The following NCOA7 variants were observed in gnomAD, a reference collection of about 807,000 sequenced individuals.
NCOA7 encodes nuclear receptor coactivator 7.
A neutral mutation model predicts 104.3 loss-of-function variants in NCOA7; 45 were observed. The ratio of observed to expected loss-of-function variants is 0.43; its 90% CI spans 0.34 to 0.55. The LOEUF (loss-of-function observed/expected upper bound fraction) is 0.55. NCOA7 is among the 20% of genes least tolerant of loss of function. The probability of loss-of-function intolerance (pLI) is 0.02; values close to 1 mark genes in which losing one functional copy is unlikely to be tolerated. For missense variants in NCOA7, 1,041 were observed against 1,119.7 expected, an observed-to-expected ratio of 0.93 and a Z score of 1.00; for synonymous variants, 398 against 402.3, an observed-to-expected ratio of 0.99 and a Z score of 0.13.
chr6:125,864,732 T>C (rs1300106639), intron 3 of NCOA7, among the ~76,000 whole-genome samples: 1 of 137,692 alleles, frequency 7.3e-6, no homozygotes, highest in Non-Finnish European at 1.5e-5. Context: ...GATCTCGGAC[T>C]TCCTAGTGTC....
intron 2 of NCOA7, among the ~76,000 whole-genome samples, chr6:125,851,115 TATATG>T (rs1417969538): frequency 1.3e-5 from 2 of 152,152 alleles, no homozygotes; most frequent in African/African-American, 2.4e-5. Context: ...TATTATTAAT[TATATG>T]ATTATTTCAA....
At chr6:125,835,007 G>A (rs1244055270) in intron 2 of NCOA7, among the ~76,000 whole-genome samples, 1 of 152,186 alleles carries the variant, frequency 6.6e-6, no homozygotes, top group African/African-American at 2.4e-5. Flanking sequence ...GAAGTAAGAT[G>A]TGATTGCAGT....
In NCOA7 at chr6:125,896,238, G is replaced by C. The variant is rs139115950; in HGVS notation, c.2096+5428G>C. Among the ~76,000 whole-genome samples the C allele has an allele frequency of 1.6e-3, 236 of 151,890 alleles. 2 individuals carry two copies. Among genetic ancestry groups the C allele is most frequent in the East Asian group, 0.012 (61 of 5,166 alleles). On this transcript the variant is annotated intron_variant, in intron 10 of 15. Transcript: ENST00000392477. ...TATGAAATCCAAGAATATGTTTAAG[G>C]CTTTAAATACATGTTGCACATGAAA...
At chr6:125,874,823 G>C (rs1469195210) in intron 3 of NCOA7, 66 bp from the exon 4 acceptor site, 10 of 1,236,550 alleles carry the variant, frequency 8.1e-6, no homozygotes, top group Non-Finnish European at 1.2e-5. Context: ...TCTATATATG[G>C]TAGTTTTACC....
rs546450579 is a variant in NCOA7, at chr6:125,881,067, C to T, written c.460-23C>T. On this transcript the variant is annotated intron_variant, in intron 5 of 15. Coordinates refer to ENST00000392477, the MANE Select transcript of NCOA7 (RefSeq NM_181782.5). The stretch of plus-strand genomic sequence containing the variant: ...GTTTGCCTGGTTGCTGGTACTCACC[C>T]ATCTGTTCTCTCCCATTCTCAGGTC... 11 of 1,495,804 alleles carry T rather than the reference C, an allele frequency of 7.4e-6. No individual in the cohort carries two copies. In the East Asian group the frequency reaches 2.3e-4, roughly 31 times the overall value. The allele number at this position is 1,495,804 out of a possible 1,614,324, so 92.7% of individuals were successfully genotyped here.
chr6:125,799,691 C>G (rs143540959), intron 1 of NCOA7, among the ~76,000 whole-genome samples: 183 of 152,284 alleles, frequency 1.2e-3, no homozygotes, highest in African/African-American at 3.9e-3. Flanking sequence ...ATCCGCCCTC[C>G]TCAGCCTCCC....
intron 1 of NCOA7, among the ~76,000 whole-genome samples, chr6:125,807,771 A>G (rs1019792378): frequency 3.3e-5 from 5 of 152,198 alleles, no homozygotes; most frequent in African/African-American, 1.2e-4. Context: ...GGCATAAGAA[A>G]AAATACTGCA....
chr6:125,837,890 T>C (rs1361349238), intron 2 of NCOA7, among the ~76,000 whole-genome samples: 2 of 152,208 alleles, frequency 1.3e-5, no homozygotes, highest in African/African-American at 2.4e-5. Context: ...GTAAATTGCA[T>C]GCTGCTCTTA....
At chr6:125,853,416 C>T (rs887094984) in intron 2 of NCOA7, among the ~76,000 whole-genome samples, 2 of 152,134 alleles carry the variant, frequency 1.3e-5, no homozygotes, top group East Asian at 3.8e-4. Context: ...TTCCTGATTG[C>T]TCTGGCTAGG....
rs1041927324 is a variant in NCOA7, at chr6:125,930,060, A to G, written c.*1289A>G. On this transcript the variant is annotated 3_prime_UTR_variant, in exon 16 of 16. Transcript: ENST00000392477. ...CCTATTTTCACATCATAAAACATCT[A>G]TTACATAAAATAAAGGTCCAGGCAT... The G allele has an allele frequency of 6.6e-6, 1 of 152,208 alleles. No individual in the cohort carries two copies. The highest frequency in any genetic ancestry group is 1.5e-5 in the Non-Finnish European group (1 of 68,034). 9.4% of individuals were successfully genotyped at this position (152,208 alleles called of 1,614,324 possible).
At chr6:125,828,853 G>T (rs1009552256) in intron 2 of NCOA7, among the ~76,000 whole-genome samples, 6 of 152,090 alleles carry the variant, frequency 3.9e-5, no homozygotes, top group African/African-American at 1.4e-4. Context: ...CCTCACTATG[G>T]TATTAGTTTT....
chr6:125,789,644 C>T (rs1774648869), upstream of NCOA7, among the ~76,000 whole-genome samples: 1 of 152,162 alleles, frequency 6.6e-6, no homozygotes, highest in Non-Finnish European at 1.5e-5. Context: ...ATAAACCTGA[C>T]GTCTAAATTA....
In NCOA7 at chr6:125,840,648, G is replaced by A. The variant is rs973271660; in HGVS notation, c.51-14372G>A. On this transcript the variant is annotated intron_variant, in intron 2 of 15. Coordinates refer to ENST00000392477, the MANE Select transcript of NCOA7 (RefSeq NM_181782.5). The stretch of plus-strand genomic sequence containing the variant: ...TCCCACCACAGCCTTCTGAGTAGCT[G>A]GAACTACTCAGGATGCCACCATGCC... Among the ~76,000 whole-genome samples, 4 of 151,324 alleles carry A rather than the reference G, an allele frequency of 2.6e-5. No individual in the cohort carries two copies. In the East Asian group the frequency reaches 5.8e-4, roughly 22 times the overall value.
intron 2 of NCOA7, among the ~76,000 whole-genome samples, chr6:125,846,105 A>G (rs1345412764): frequency 1.3e-5 from 2 of 152,100 alleles, no homozygotes; most frequent in Non-Finnish European, 2.9e-5. Flanking sequence ...TCCTGGAGCT[A>G]TTAGCCCCAA....
intron 3 of NCOA7, among the ~76,000 whole-genome samples, chr6:125,861,308 C>T (rs185865986): frequency 5.3e-4 from 80 of 152,172 alleles, no homozygotes; most frequent in African/African-American, 1.8e-3. Context: ...CCTAACTACA[C>T]ATGTGAAGAT....
At chr6:125,886,761 T>C (rs1784296032) in intron 8 of NCOA7, among the ~76,000 whole-genome samples, 1 of 152,250 alleles carries the variant, frequency 6.6e-6, no homozygotes, top group Non-Finnish European at 1.5e-5. Context: ...AAAACATCAT[T>C]ATTACCAAAA....
chr6:125,892,011 C>G (rs572878527), intron 10 of NCOA7, among the ~76,000 whole-genome samples: 1 of 152,134 alleles, frequency 6.6e-6, no homozygotes, highest in Non-Finnish European at 1.5e-5. Context: ...TTCTGAAGCT[C>G]TGTTAAAATT....
intron 5 of NCOA7, among the ~76,000 whole-genome samples, chr6:125,879,456 G>C (rs1029032561): frequency 6.6e-6 from 1 of 152,136 alleles, no homozygotes; most frequent in African/African-American, 2.4e-5. Flanking sequence ...TTCTTAATGA[G>C]TGGTTACCAG....
chr6:125,788,670 G>C (rs938799739), upstream of NCOA7, among the ~76,000 whole-genome samples: 5 of 149,992 alleles, frequency 3.3e-5, no homozygotes, highest in Non-Finnish European at 7.4e-5. Context: ...CAAGTAGCTG[G>C]GACTACAGGA....
Sources: gnomAD v4.1 joint callset for allele counts (sites outside exome capture counted in the v4.1 genomes callset) on GRCh38, gnomAD v4.1.1 for gene constraint, MANE v1.5 for transcripts, NCBI Gene and HGNC (gene_info 2026-07-23, HGNC 2026-07-21) for gene names.